SHOC2: variants seen among roughly 807,000 people sequenced by gnomAD.
SHOC2 encodes the protein SHOC2 leucine rich repeat scaffold protein.
SHOC2 carries 4 observed loss-of-function variants against 50.2 expected under a neutral mutation model. The observed-to-expected ratio is 0.08, with a 90% CI of 0.04 to 0.18. The LOEUF is 0.18. Ranked by LOEUF, SHOC2 falls within the 10% of genes least tolerant of loss-of-function variation. The probability of loss-of-function intolerance (pLI) is 1.00; values close to 1 mark genes in which losing one functional copy is unlikely to be tolerated. For synonymous variants in SHOC2, 218 were observed against 244.5 expected (o/e 0.89, Z 1.01); for missense variants, 388 against 669.6 (o/e 0.58, Z 4.64).
At chr10:110,947,773 A>AG (rs1847275491) in intron 1 of SHOC2, among the ~76,000 whole-genome samples, 1 of 152,028 alleles carries the variant, frequency 6.6e-6, no homozygotes, top group Non-Finnish European at 1.5e-5. Context: ...TACCAAAAAA[A>AG]AAAAAAAAAT....
At chr10:111,006,845 T>G (rs1848478113) in intron 5 of SHOC2, among the ~76,000 whole-genome samples, 1 of 152,214 alleles carries the variant, frequency 6.6e-6, no homozygotes, top group Non-Finnish European at 1.5e-5. Flanking sequence ...GAGTTGTTAT[T>G]GATGAAAGTA....
intron 1 of SHOC2, chr10:110,936,980 C>G (rs747764492): frequency 2.7e-6 from 4 of 1,459,694 alleles, no homozygotes; most frequent in East Asian, 2.3e-5. Context: ...CAGCATACTT[C>G]GCACAGTCAG....
rs187013620 is a variant in SHOC2, at chr10:110,947,024, C to T, written c.-234-17101C>T. Among the ~76,000 whole-genome samples the T allele has an allele frequency of 2.2e-3, 336 of 152,224 alleles. 2 individuals are homozygous for T. The highest frequency in any genetic ancestry group is 7.4e-3 in the African/African-American group (306 of 41,528). ...ATTCCAAATGATAGATTGTAGCACC[C>T]GGGTGTAGCATAGATACAACAAATG... is the stretch of plus-strand genomic sequence containing the variant. On this transcript the variant is annotated intron_variant, in intron 1 of 8. Coordinates refer to ENST00000369452, the MANE Select transcript of SHOC2 (RefSeq NM_007373.4).
chr10:110,939,209 A>G (rs1210632008), intron 1 of SHOC2, among the ~76,000 whole-genome samples: 2 of 151,900 alleles, frequency 1.3e-5, no homozygotes, highest in Non-Finnish European at 2.9e-5. Flanking sequence ...ACTGCCTTAA[A>G]AATTTTATTT....
intron 1 of SHOC2, chr10:110,937,161 T>C: frequency 6.5e-7 from 1 of 1,540,658 alleles, no homozygotes; most frequent in Non-Finnish European, 9.0e-7. Context: ...AGTACCTGTT[T>C]AGCCACGATG....
chr10:110,964,133 A>T lies in SHOC2; in HGVS notation c.-226A>T, dbSNP rs560036999. On this transcript the variant is annotated 5_prime_UTR_variant, in exon 2 of 9. It removes an upstream start codon present in the reference 5' UTR. Transcript: ENST00000369452. This position sits in a 1 kb window ranked among gnomAD's most constrained non-coding sequence, Gnocchi z 4.9. ...TCTATATTATATTTCAGGAACTCTA[A>T]TGAATCATTGATTGACCAGCACTAT... 2 of 586,860 alleles carry T rather than the reference A, an allele frequency of 3.4e-6. No homozygotes were observed. The highest frequency in any genetic ancestry group is 5.9e-6 in the Non-Finnish European group (2 of 340,724). 36.4% of individuals were successfully genotyped at this position (586,860 alleles called of 1,614,324 possible). A position where few individuals can be genotyped will look rare whatever the true frequency, so the allele number is the denominator to read the frequency against.
chr10:111,000,020 A>G (rs2134168066), intron 3 of SHOC2, among the ~76,000 whole-genome samples: 1 of 152,292 alleles, frequency 6.6e-6, no homozygotes, highest in South Asian at 2.1e-4. Context: ...GTACATACTT[A>G]TATATAACCA....
At chr10:110,972,917 T>C (rs1459307606) in intron 2 of SHOC2, among the ~76,000 whole-genome samples, 1 of 152,208 alleles carries the variant, frequency 6.6e-6, no homozygotes, top group Non-Finnish European at 1.5e-5. Context: ...CAGTTTACTT[T>C]CCATGTGGCT....
chr10:110,995,480 T>C (rs1388844858), intron 3 of SHOC2, among the ~76,000 whole-genome samples: 1 of 152,068 alleles, frequency 6.6e-6, no homozygotes, highest in Non-Finnish European at 1.5e-5. Flanking sequence ...AAGGTGAGAA[T>C]GAGCACAGCA....
rs1847410780 is a variant in SHOC2, at chr10:110,954,082, A to C, written c.-234-10043A>C. On this transcript the variant is annotated intron_variant, in intron 1 of 8. Transcript: ENST00000369452. ...GAAAAGCTACTGTTTGCCTCTTTTT[A>C]AGGAAAAATAAGTCCATTGTTTTTG... 3.3e-5 allele frequency among the ~76,000 whole-genome samples: 5 copies of C among 151,504 alleles called. No individual in the cohort carries two copies. The South Asian group carries it at 1.0e-3, about 31-fold the overall frequency.
At chr10:110,990,901 C>T (rs886169003) in intron 3 of SHOC2, among the ~76,000 whole-genome samples, 3 of 152,080 alleles carry the variant, frequency 2.0e-5, no homozygotes, top group Non-Finnish European at 4.4e-5. Context: ...CTATGTATAT[C>T]TTAGGATATT....
At chr10:111,008,628 CT>C (rs1277674407) in intron 6 of SHOC2, among the ~76,000 whole-genome samples, 2 of 152,044 alleles carry the variant, frequency 1.3e-5, no homozygotes, top group Non-Finnish European at 2.9e-5. Context: ...TTTTCTCCAT[CT>C]TACTGTATAT....
intron 2 of SHOC2, among the ~76,000 whole-genome samples, chr10:110,970,347 C>T (rs997540867): frequency 6.6e-6 from 1 of 152,168 alleles, no homozygotes; most frequent in South Asian, 2.1e-4. Context: ...CCTTCAGGCT[C>T]ATTCATGTTG....
chr10:110,964,368 A>G lies in SHOC2; in HGVS notation c.10A>G (p.Ser4Gly). Reference sequence around the variant, plus strand: ...CCAGGCTTGAGTCACCATGAGTAGTAGTTTAGGAAAAGAAAAAGACTCTAA... The same window carrying G: ...CCAGGCTTGAGTCACCATGAGTAGTGGTTTAGGAAAAGAAAAAGACTCTAA... MSSSLGKEKDSKEK... is the reference protein window; with the variant it reads MSSGLGKEKDSKEK... The change falls in exon 2 of 9, where the codon AGT (serine) becomes GGT (glycine). Residue 4 changes from serine to glycine, a missense_variant. By Grantham distance (56) the Ser-to-Gly change is moderately conservative. Around this residue, in one of 5 missense-constraint regions of SHOC2, gnomAD observed 121 missense variants for 145.5 expected, o/e 0.83. Coordinates refer to ENST00000369452, the MANE Select transcript of SHOC2 (RefSeq NM_007373.4). The surrounding 1 kb of genome is among the most constrained non-coding windows in gnomAD (Gnocchi z 4.9). 2 of 1,613,184 alleles carry G rather than the reference A, an allele frequency of 1.2e-6. No homozygotes were observed. Among genetic ancestry groups the G allele is most frequent in the Middle Eastern group, 1.7e-4 (1 of 6,058 alleles).
chr10:110,937,037 G>A, intron 1 of SHOC2: 1 of 1,485,162 alleles, frequency 6.7e-7, no homozygotes, highest in Non-Finnish European at 9.4e-7. Context: ...GCGTCGGAAA[G>A]GGTTGGTGTT....
intron 1 of SHOC2, among the ~76,000 whole-genome samples, chr10:110,958,492 G>A (rs1311790086): frequency 2.6e-5 from 4 of 152,072 alleles, no homozygotes; most frequent in East Asian, 1.9e-4. Context: ...GATTACAGGC[G>A]TGAGCCACTG....
At chr10:110,981,401 C>T (rs1847973686) in intron 2 of SHOC2, among the ~76,000 whole-genome samples, 1 of 152,160 alleles carries the variant, frequency 6.6e-6, no homozygotes, top group African/African-American at 2.4e-5. Flanking sequence ...GGCTTCTACT[C>T]CTGGTGACTC....
chr10:111,011,581 A>T lies in SHOC2; in HGVS notation c.1541-29A>T, dbSNP rs11593866. 0.047 allele frequency: 70,878 copies of T among 1,503,410 alleles called. 1,885 individuals are homozygous for T. The highest frequency in any genetic ancestry group is 0.11 in the African/African-American group (7,954 of 72,680). The allele number at this position is 1,503,410 out of a possible 1,614,324, so 93.1% of individuals were successfully genotyped here. A position where few individuals can be genotyped will look rare whatever the true frequency, so the allele number is the denominator to read the frequency against. ...ACTTTTAAAATAGCAACTAATTTTT[A>T]AAAAAAAATTGATTTTTTTTTTAAA... On this transcript the variant is annotated intron_variant, in intron 8 of 8. Transcript: ENST00000369452.
intron 1 of SHOC2, among the ~76,000 whole-genome samples, chr10:110,947,286 C>T (rs1338617085): frequency 6.6e-6 from 1 of 152,246 alleles, no homozygotes; most frequent in East Asian, 1.9e-4. Context: ...CCAGACCCAT[C>T]CTTGCGGATC....
Sources: allele counts gnomAD v4.1 joint callset (sites outside exome capture counted in the v4.1 genomes callset), GRCh38; gene constraint gnomAD v4.1.1; regional missense constraint gnomAD v4.1.1; non-coding constraint Gnocchi (gnomAD v3.1); transcripts MANE v1.5; gene names NCBI Gene and HGNC (gene_info 2026-07-23, HGNC 2026-07-21).